Variants in ITGA9 observed in about 807,000 individuals in gnomAD.
ITGA9 encodes integrin subunit alpha 9.
A neutral mutation model predicts 127.8 loss-of-function variants in ITGA9; 56 were observed. The observed-to-expected ratio is 0.44, with a 90% CI of 0.35 to 0.55. The LOEUF (loss-of-function observed/expected upper bound fraction) is 0.55. Ranked by LOEUF, ITGA9 falls within the 20% of genes least tolerant of loss-of-function variation. The probability of loss-of-function intolerance (pLI) is 0.00; values close to 1 mark genes in which losing one functional copy is unlikely to be tolerated. For missense variants in ITGA9, 1,196 were observed against 1,347.1 expected (o/e 0.89, Z 1.76); for synonymous variants, 508 against 514.5 (o/e 0.99, Z 0.17).
At chr3:37,740,309 C>T (rs55901077) in intron 20 of ITGA9, among the ~76,000 whole-genome samples, 4,040 of 152,158 alleles carry the variant, frequency 0.027, 154 homozygotes, top group African/African-American at 0.081. Flanking sequence ...TCTTTTCTTC[C>T]GCCCATGCAG....
intron 23 of ITGA9, among the ~76,000 whole-genome samples, chr3:37,752,878 A>C (rs935829208): frequency 2.0e-5 from 3 of 152,138 alleles, no homozygotes; most frequent in South Asian, 2.1e-4. Flanking sequence ...AGCCTAATGA[A>C]GTGTAACCAC....
intron 15 of ITGA9, among the ~76,000 whole-genome samples, chr3:37,551,162 C>T (rs1699374753): frequency 6.6e-6 from 1 of 152,132 alleles, no homozygotes; most frequent in Non-Finnish European, 1.5e-5. Flanking sequence ...TGTATTTTGA[C>T]TGGATTTATT....
intron 15 of ITGA9, among the ~76,000 whole-genome samples, chr3:37,542,793 G>C (rs556255855): frequency 6.6e-5 from 10 of 152,234 alleles, no homozygotes; most frequent in Non-Finnish European, 1.3e-4. Flanking sequence ...AGCCTTTAAG[G>C]GGGGTCGTGG....
chr3:37,533,934 A>T (rs371002868), intron 14 of ITGA9, among the ~76,000 whole-genome samples: 2 of 152,212 alleles, frequency 1.3e-5, no homozygotes, highest in Middle Eastern at 3.2e-3. Context: ...TGGGATTCGG[A>T]TGCTGGTGTT....
At chr3:37,535,812 T>G (rs780407918) in intron 14 of ITGA9, among the ~76,000 whole-genome samples, 10 of 152,190 alleles carry the variant, frequency 6.6e-5, no homozygotes, top group Non-Finnish European at 1.5e-4. Context: ...AATAAGGCAA[T>G]GCAGAAAATT....
chr3:37,529,098 G>A (rs1699123816), intron 13 of ITGA9, among the ~76,000 whole-genome samples: 1 of 152,138 alleles, frequency 6.6e-6, no homozygotes, highest in Non-Finnish European at 1.5e-5. Flanking sequence ...TCCCCTTACT[G>A]AGTAGCACTC....
intron 27 of ITGA9, chr3:37,805,709 C>T (rs1047555835): frequency 2.1e-4 from 32 of 152,268 alleles, no homozygotes; most frequent in East Asian, 9.7e-4. Context: ...GTCTCCCAGG[C>T]TGGAGTACAG....
intron 27 of ITGA9, among the ~76,000 whole-genome samples, chr3:37,809,832 C>T (rs1425227092): frequency 1.3e-5 from 2 of 152,172 alleles, no homozygotes; most frequent in East Asian, 1.9e-4. Flanking sequence ...AATAGTGATT[C>T]GGTATCACAC....
At chr3:37,668,045 C>G (rs1161680164) in intron 17 of ITGA9, among the ~76,000 whole-genome samples, 1 of 152,142 alleles carries the variant, frequency 6.6e-6, no homozygotes, top group Non-Finnish European at 1.5e-5. Flanking sequence ...GTTGGGCAGA[C>G]TCAAAGCACT....
At chr3:37,644,139 C>T (rs1700356345) in intron 16 of ITGA9, among the ~76,000 whole-genome samples, 1 of 152,124 alleles carries the variant, frequency 6.6e-6, no homozygotes, top group South Asian at 2.1e-4. Context: ...TATAGAGAGA[C>T]ATGAAATGTG....
intron 24 of ITGA9, among the ~76,000 whole-genome samples, chr3:37,779,466 G>T (rs956852094): frequency 6.6e-6 from 1 of 152,088 alleles, no homozygotes; most frequent in African/African-American, 2.4e-5. Context: ...TGACTTCTTA[G>T]CCCTCTTATT....
chr3:37,623,892 G>A (rs935872722), intron 15 of ITGA9, among the ~76,000 whole-genome samples: 6 of 152,102 alleles, frequency 3.9e-5, no homozygotes, highest in African/African-American at 1.4e-4. Flanking sequence ...AAAGGAAAAG[G>A]CATCCCACTT....
intron 19 of ITGA9, among the ~76,000 whole-genome samples, chr3:37,733,515 C>CAAAAA (rs58505517): frequency 5.0e-5 from 4 of 80,368 alleles, no homozygotes; most frequent in Admixed American, 1.9e-4. Context: ...CTCCGTCTCA[C>CAAAAA]AAAAAAAAAA....
chr3:37,615,824 A>AT (rs1405741358), intron 15 of ITGA9, among the ~76,000 whole-genome samples: 1 of 152,024 alleles, frequency 6.6e-6, no homozygotes, highest in Non-Finnish European at 1.5e-5. Flanking sequence ...CCCCTTTATC[A>AT]TTTTTTATTG....
At chr3:37,512,101 C>T (rs1482758831) in intron 8 of ITGA9, among the ~76,000 whole-genome samples, 4 of 95,902 alleles carry the variant, frequency 4.2e-5, no homozygotes, top group African/African-American at 1.4e-4. Context: ...TCCTTCCTTC[C>T]TTCCTTCCTT....
intron 18 of ITGA9, among the ~76,000 whole-genome samples, chr3:37,718,827 T>A (rs1701161014): frequency 6.6e-6 from 1 of 152,182 alleles, no homozygotes. Flanking sequence ...GGGTCTTTTT[T>A]ACAAAGCTTT....
intron 18 of ITGA9, among the ~76,000 whole-genome samples, chr3:37,698,335 G>C (rs1236511802): frequency 6.6e-5 from 10 of 152,148 alleles, no homozygotes; most frequent in Non-Finnish European, 1.5e-5. Flanking sequence ...AAGCTCTTTA[G>C]TTTAATTAGA....
chr3:37,565,188 C>T (rs534860509), intron 15 of ITGA9, among the ~76,000 whole-genome samples: 32 of 152,328 alleles, frequency 2.1e-4, no homozygotes, highest in African/African-American at 7.5e-4. Context: ...TTTACCTGAA[C>T]GCCCCAGAGG....
intron 15 of ITGA9, among the ~76,000 whole-genome samples, chr3:37,562,851 A>G (rs1173936004): frequency 2.0e-5 from 3 of 152,118 alleles, no homozygotes; most frequent in African/African-American, 7.2e-5. Flanking sequence ...TTAATGAGCC[A>G]AACAGTCCAG....
Sources: gnomAD v4.1 joint callset for allele counts (sites outside exome capture counted in the v4.1 genomes callset) on GRCh38, gnomAD v4.1.1 for gene constraint, MANE v1.5 for transcripts, NCBI Gene and HGNC (gene_info 2026-07-23, HGNC 2026-07-21) for gene names.